CLMP: variants seen among roughly 807,000 people sequenced by gnomAD.
CLMP encodes CXADR like cell adhesion molecule.
In CLMP, 27 loss-of-function variants were observed where a neutral mutation model predicts 45.2. That is an observed-to-expected ratio of 0.60 (90% CI 0.44 to 0.82). The LOEUF (loss-of-function observed/expected upper bound fraction) is 0.82. Ranked by LOEUF, CLMP falls within the 40% of genes least tolerant of loss-of-function variation. The probability of loss-of-function intolerance (pLI) is 0.00; values close to 1 mark genes in which losing one functional copy is unlikely to be tolerated. For synonymous variants in CLMP, 167 were observed against 171.4 expected (o/e 0.97, Z 0.20); for missense variants, 403 against 448.4 (o/e 0.90, Z 0.91).
chr11:123,147,648 T>A (rs1418634600), intron 1 of CLMP, among the ~76,000 whole-genome samples: 1 of 152,154 alleles, frequency 6.6e-6, no homozygotes. Context: ...TGTATTGTGA[T>A]GCCTCTCCCA....
intron 1 of CLMP, among the ~76,000 whole-genome samples, chr11:123,141,895 T>G (rs1861166497): frequency 6.6e-6 from 1 of 152,068 alleles, no homozygotes; most frequent in African/African-American, 2.4e-5. Flanking sequence ...CACTCAAAAT[T>G]TCTCCTCTCC....
chr11:123,115,388 A>AT lies in CLMP; in HGVS notation c.29-17437dup, dbSNP rs1414594978. Among the ~76,000 whole-genome samples, 3 of 151,892 alleles carry AT rather than the reference A, an allele frequency of 2.0e-5. No individual in the cohort carries two copies. The East Asian group carries it at 5.8e-4, about 29-fold the overall frequency. On this transcript the variant is annotated intron_variant, in intron 1 of 6. Transcript: ENST00000448775. ...TTTATTTTTCTTTACTTAGACTCCC[A>AT]TTTTTTACATATATATAAACTCACA...
chr11:123,087,198 G>A lies in CLMP; in HGVS notation c.187-2485C>T, dbSNP rs558375369. Among the ~76,000 whole-genome samples, 19 of 146,010 alleles carry A rather than the reference G, an allele frequency of 1.3e-4. 1 individual carries two copies. Among genetic ancestry groups the A allele is most frequent in the Non-Finnish European group, 2.7e-4 (18 of 65,672 alleles). On this transcript the variant is annotated intron_variant, in intron 2 of 6. Coordinates refer to ENST00000448775, the MANE Select transcript of CLMP (RefSeq NM_024769.5). ...ACTAAAAATACAAAATTAGCCGGGC[G>A]TGATGGCGCATGCCTATAATCCCAG...
At position 123,098,372 on chromosome 11, in the gene CLMP, C is replaced by T. The variant is rs548038253; in HGVS notation, c.29-420G>A. On this transcript the variant is annotated intron_variant, in intron 1 of 6. Coordinates refer to ENST00000448775, the MANE Select transcript of CLMP (RefSeq NM_024769.5). ...CCTCGTGAGTAGCTGGAACTACAGG[C>T]GCATGCCACCACACCCAGCTAATTT... 7.2e-5 allele frequency among the ~76,000 whole-genome samples: 11 copies of T among 151,972 alleles called. No homozygotes were observed. In the South Asian group the frequency reaches 1.2e-3, roughly 17 times the overall value.
chr11:123,082,076 C>T (rs1399565971), intron 5 of CLMP, among the ~76,000 whole-genome samples: 1 of 152,198 alleles, frequency 6.6e-6, no homozygotes, highest in African/African-American at 2.4e-5. Flanking sequence ...GATTATAACA[C>T]ATGTACACAC....
intron 1 of CLMP, among the ~76,000 whole-genome samples, chr11:123,158,724 C>G (rs1301896113): frequency 6.6e-6 from 1 of 152,222 alleles, no homozygotes; most frequent in Non-Finnish European, 1.5e-5. Context: ...TGGAACTAGA[C>G]AGACCTGGGT....
At position 123,071,193 on chromosome 11, in the gene CLMP, T is replaced by A. The variant is rs2135457337; in HGVS notation, c.*2281A>T. 6.6e-6 allele frequency: 1 copy of A among 152,272 alleles called. No homozygotes were observed. Among genetic ancestry groups the A allele is most frequent in the East Asian group, 1.9e-4 (1 of 5,182 alleles). 9.4% of individuals were successfully genotyped at this position (152,272 alleles called of 1,614,324 possible). A position where few individuals can be genotyped will look rare whatever the true frequency, so the allele number is the denominator to read the frequency against. ...TCACACCTGTAATCCTAGCACTTTG[T>A]GGGGCCGAGGTGGGTGGATCACCTG... On this transcript the variant is annotated 3_prime_UTR_variant, in exon 7 of 7. Transcript: ENST00000448775.
intron 1 of CLMP, among the ~76,000 whole-genome samples, chr11:123,120,528 C>T (rs116710339): frequency 0.022 from 3,405 of 152,156 alleles, 136 homozygotes; most frequent in African/African-American, 0.077. Flanking sequence ...TCTTTATCCT[C>T]TCTTAGTTTT....
chr11:123,102,254 T>C (rs1860454467), intron 1 of CLMP, among the ~76,000 whole-genome samples: 1 of 151,104 alleles, frequency 6.6e-6, no homozygotes, highest in Admixed American at 6.6e-5. Flanking sequence ...GAACCTAAGA[T>C]TGGCCCTTTG....
chr11:123,139,936 G>T (rs1045456590), intron 1 of CLMP, among the ~76,000 whole-genome samples: 2 of 152,198 alleles, frequency 1.3e-5, no homozygotes, highest in Non-Finnish European at 2.9e-5. Flanking sequence ...GCGATAAAAG[G>T]GTATTCAACG....
At chr11:123,149,519 T>A (rs1277427713) in intron 1 of CLMP, among the ~76,000 whole-genome samples, 1 of 152,208 alleles carries the variant, frequency 6.6e-6, no homozygotes, top group African/African-American at 2.4e-5. Context: ...TCAGGTGAGC[T>A]CTTCCCAAGG....
intron 1 of CLMP, among the ~76,000 whole-genome samples, chr11:123,106,412 TGTGTGTGTGTGTGCGCGCGCGCGC>T (rs369910235): frequency 0.032 from 4,033 of 127,784 alleles, 75 homozygotes; most frequent in African/African-American, 0.054. Flanking sequence ...TGTGTGTGTG[TGTGTGTGTGTGTGCGCGCGCGCGC>T]GCGCACGTGC....
intron 1 of CLMP, among the ~76,000 whole-genome samples, chr11:123,168,447 C>T (rs1197053277): frequency 6.6e-6 from 1 of 152,184 alleles, no homozygotes; most frequent in African/African-American, 2.4e-5. Flanking sequence ...TTGGAAATAA[C>T]TGAGATAGTT....
chr11:123,186,943 G>A (rs1485366656), intron 1 of CLMP, among the ~76,000 whole-genome samples: 1 of 152,124 alleles, frequency 6.6e-6, no homozygotes, highest in African/African-American at 2.4e-5. Flanking sequence ...TGATGGCCTG[G>A]TGGTCGCTGA....
At chr11:123,174,803 AC>A (rs1405696420) in intron 1 of CLMP, among the ~76,000 whole-genome samples, 2 of 152,132 alleles carry the variant, frequency 1.3e-5, no homozygotes, top group African/African-American at 4.8e-5. Flanking sequence ...TTAATTCATC[AC>A]CCTGTTACTC....
In CLMP at chr11:123,072,326, T is replaced by C. The variant is rs1865681196; in HGVS notation, c.*1148A>G. The C allele has an allele frequency of 6.6e-6, 1 of 150,460 alleles. No individual in the cohort carries two copies. 9.3% of individuals were successfully genotyped at this position (150,460 alleles called of 1,614,324 possible). On this transcript the variant is annotated 3_prime_UTR_variant, in exon 7 of 7. Transcript: ENST00000448775. Reference sequence around the variant, plus strand: ...TCCTTCCTTGATTTTTTTTTTTTTTTGAGATGGAGTCTTGCTTTGTCACCC... The same window carrying C: ...TCCTTCCTTGATTTTTTTTTTTTTTCGAGATGGAGTCTTGCTTTGTCACCC...
chr11:123,109,059 C>CAAAAAAA (rs776811883), intron 1 of CLMP, among the ~76,000 whole-genome samples: 1 of 64,266 alleles, frequency 1.6e-5, no homozygotes, highest in Non-Finnish European at 3.1e-5. Flanking sequence ...AACTCTGTCT[C>CAAAAAAA]AAAAAAAAAA....
intron 2 of CLMP, among the ~76,000 whole-genome samples, chr11:123,096,700 A>G (rs1356515724): frequency 6.6e-6 from 1 of 152,198 alleles, no homozygotes; most frequent in Non-Finnish European, 1.5e-5. Context: ...GTGATCCTGA[A>G]ATCTGTTTTC....
At chr11:123,117,317 T>C (rs116536290) in intron 1 of CLMP, among the ~76,000 whole-genome samples, 3,677 of 152,172 alleles carry the variant, frequency 0.024, 157 homozygotes, top group African/African-American at 0.083. Context: ...ACCTGAGACT[T>C]AGAAAGGCCT....
Sources: gnomAD v4.1 joint callset for allele counts (sites outside exome capture counted in the v4.1 genomes callset) on GRCh38, gnomAD v4.1.1 for gene constraint, MANE v1.5 for transcripts, NCBI Gene and HGNC (gene_info 2026-07-23, HGNC 2026-07-21) for gene names.